Variants in ERN1 observed in about 807,000 individuals in gnomAD.
ERN1 encodes serine/threonine-protein kinase/endoribonuclease IRE1.
In ERN1, 39 loss-of-function variants were observed where a neutral mutation model predicts 113.1. The ratio of observed to expected loss-of-function variants is 0.34; its 90% confidence interval spans 0.27 to 0.45. The LOEUF is 0.45. ERN1 is among the 20% of genes least tolerant of loss of function. The pLI is 1.00. For synonymous variants in ERN1, 507 were observed against 515.9 expected (o/e 0.98, Z 0.23); for missense variants, 976 against 1,274.8 (o/e 0.77, Z 3.57).
chr17:64,062,382 T>C (rs942230108), intron 10 of ERN1, among the ~76,000 whole-genome samples: 4 of 152,256 alleles, frequency 2.6e-5, no homozygotes, highest in Admixed American at 6.5e-5. Context: ...CTGGACATAG[T>C]AGGGCATATC....
Position 64,114,158 on chromosome 17 carries a change from TGTAA to T in ERN1, c.54+15814_54+15817del, listed in dbSNP as rs534371068. ...CGGGCCTAATATACAGTAAGCATCA[TGTAA>T]GTGTCAGTTACTATTATTCATTAAG... On this transcript the variant is annotated intron_variant, in intron 1 of 21. Coordinates refer to ENST00000433197, the MANE Select transcript of ERN1 (RefSeq NM_001433.5). Among the ~76,000 whole-genome samples, 35 of 151,512 alleles carry T rather than the reference TGTAA, an allele frequency of 2.3e-4. No homozygotes were observed. The South Asian group carries it at 5.9e-3, about 25-fold the overall frequency.
intron 1 of ERN1, chr17:64,098,526 C>A (rs1914294989): frequency 1.6e-6 from 1 of 621,286 alleles, no homozygotes; most frequent in Middle Eastern, 2.7e-4. Flanking sequence ...AACAGAGGGG[C>A]AAAGTATGCT....
At chr17:64,127,473 GC>G (rs1363200864) in intron 1 of ERN1, among the ~76,000 whole-genome samples, 2 of 152,158 alleles carry the variant, frequency 1.3e-5, no homozygotes, top group Non-Finnish European at 2.9e-5. Context: ...TAAAATCATG[GC>G]CGGGTGCGGT....
chr17:64,113,971 C>T (rs994978161), intron 1 of ERN1, among the ~76,000 whole-genome samples: 13 of 151,838 alleles, frequency 8.6e-5, no homozygotes, highest in African/African-American at 1.9e-4. Context: ...CGTGAACCAC[C>T]GTGCCCGGTG....
intron 1 of ERN1, chr17:64,129,752 G>C (rs1017155889): frequency 2.5e-6 from 1 of 398,608 alleles, no homozygotes; most frequent in Non-Finnish European, 4.4e-6. Context: ...GGCTCTTCGG[G>C]CGGCCGACGC....
At chr17:64,098,501 G>C (rs1216743753) in intron 1 of ERN1, 1 of 662,922 alleles carries the variant, frequency 1.5e-6, no homozygotes, top group African/African-American at 1.8e-5. Context: ...ATAATCCATG[G>C]GCAACCTCCA....
chr17:64,053,315 C>T lies in ERN1; in HGVS notation c.2010G>A (p.Gln670=), dbSNP rs942292175. 4 of 1,611,856 alleles carry T rather than the reference C, an allele frequency of 2.5e-6. No homozygotes were observed. The African/African-American group carries it at 5.3e-5, about 22-fold the overall frequency. Residue 670 remains glutamine, a synonymous_variant, in exon 16 of 22, where the codon CAG becomes CAA. Transcript: ENST00000433197. The stretch of plus-strand genomic sequence containing the variant: ...GGTGGGCCAGGCCCGAGGTGGTCTG[C>T]TGCAGCAAGGTGATGGGCTCCAGGC... ...HLGLEPITLL[Q]QTTSGLAHLH...
At chr17:64,067,134 G>T (rs911677928) in intron 7 of ERN1, 2 of 608,664 alleles carry the variant, frequency 3.3e-6, no homozygotes, top group East Asian at 2.8e-5. Context: ...GCTGGCTGGC[G>T]TATAAACACA....
chr17:64,046,667 G>C lies in ERN1; in HGVS notation c.2530-1185C>G, dbSNP rs1055899309. 1.3e-5 allele frequency among the ~76,000 whole-genome samples: 2 copies of C among 152,206 alleles called. 1 individual carries two copies. Among genetic ancestry groups the C allele is most frequent in the Non-Finnish European group, 2.9e-5 (2 of 68,026 alleles). The stretch of plus-strand genomic sequence containing the variant: ...ACACAGTAGTGAATGCAGCAGTCAA[G>C]CACTCCTGTCCTCGAGGAGCTTACA... On this transcript the variant is annotated intron_variant, in intron 19 of 21. Coordinates refer to ENST00000433197, the MANE Select transcript of ERN1 (RefSeq NM_001433.5).
chr17:64,073,577 C>T (rs1025407061), intron 5 of ERN1, among the ~76,000 whole-genome samples: 33 of 152,050 alleles, frequency 2.2e-4, no homozygotes, highest in African/African-American at 7.3e-5. Flanking sequence ...CTGCAACCTC[C>T]GCCTCCAGGG....
chr17:64,079,136 T>A (rs1173510572), intron 4 of ERN1, among the ~76,000 whole-genome samples: 5 of 152,092 alleles, frequency 3.3e-5, no homozygotes, highest in Non-Finnish European at 5.9e-5. Flanking sequence ...ATGACTTAGA[T>A]CAATTAAATC....
intron 1 of ERN1, among the ~76,000 whole-genome samples, chr17:64,123,029 CT>C (rs201263518): frequency 2.3e-4 from 35 of 151,032 alleles, no homozygotes; most frequent in African/African-American, 7.0e-4. Flanking sequence ...TTTTTGTTCC[CT>C]TTTTTTTTCC....
At chr17:64,082,024 A>G (rs1488733541) in intron 2 of ERN1, among the ~76,000 whole-genome samples, 1 of 152,238 alleles carries the variant, frequency 6.6e-6, no homozygotes, top group African/African-American at 2.4e-5. Flanking sequence ...GTATTCTTAC[A>G]TGATTTTGTA....
chr17:64,061,275 G>C (rs749924668), intron 10 of ERN1, among the ~76,000 whole-genome samples: 2 of 152,234 alleles, frequency 1.3e-5, no homozygotes, highest in African/African-American at 4.8e-5. Flanking sequence ...GATAGGGCTT[G>C]ATAATCCATT....
chr17:64,080,393 G>A, intron 3 of ERN1: 1 of 186,056 alleles, frequency 5.4e-6, no homozygotes, highest in Non-Finnish European at 1.1e-5. Flanking sequence ...ATCATTTAAG[G>A]CTCTTACCAG....
At chr17:64,045,961 C>T (rs196920) in intron 19 of ERN1, among the ~76,000 whole-genome samples, 145,100 of 152,242 alleles carry the variant, frequency 0.95, 69,553 homozygotes, top group East Asian at 1. Flanking sequence ...GCTGGGCCTT[C>T]TTCTCAAAGA....
At chr17:64,109,586 C>A (rs1384613214) in intron 1 of ERN1, among the ~76,000 whole-genome samples, 2 of 152,214 alleles carry the variant, frequency 1.3e-5, no homozygotes, top group South Asian at 2.1e-4. Context: ...TAAGTCCATG[C>A]GGTTCCACAC....
At chr17:64,101,337 G>A (rs1203204951) in intron 1 of ERN1, among the ~76,000 whole-genome samples, 1 of 152,098 alleles carries the variant, frequency 6.6e-6, no homozygotes, top group Non-Finnish European at 1.5e-5. Context: ...TTGAACCCAG[G>A]AGGTGGAGGT....
In ERN1 at chr17:64,045,243, C is replaced by A. The variant is rs181306506; in HGVS notation, c.2653+116G>T. On this transcript the variant is annotated intron_variant, in intron 20 of 21. Transcript: ENST00000433197. ...GGACACACCCAAGAAAGTCTCAAACCTGACAGGTGGGATGTGGGGCCTGAA... is the reference window on the plus strand; with the variant it reads ...GGACACACCCAAGAAAGTCTCAAACATGACAGGTGGGATGTGGGGCCTGAA... The A allele has an allele frequency of 1.4e-4, 179 of 1,235,144 alleles. No individual in the cohort carries two copies. The East Asian group carries it at 2.2e-3, about 15-fold the overall frequency. 76.5% of individuals were successfully genotyped at this position (1,235,144 alleles called of 1,614,324 possible).
Sources: allele counts gnomAD v4.1 joint callset (sites outside exome capture counted in the v4.1 genomes callset), GRCh38; gene constraint gnomAD v4.1.1; transcripts MANE v1.5; gene names NCBI Gene and HGNC (gene_info 2026-07-23, HGNC 2026-07-21).